The following ZFHX3 variants were observed in gnomAD, a reference collection of about 807,000 sequenced individuals.
ZFHX3 encodes the protein zinc finger homeobox 3.
In ZFHX3, 42 loss-of-function variants were observed where a neutral mutation model predicts 279.1. The ratio of observed to expected loss-of-function variants is 0.15; its 90% CI spans 0.12 to 0.19. ZFHX3 has a LOEUF of 0.19. ZFHX3 is among the 10% of genes least tolerant of loss of function. The probability of loss-of-function intolerance (pLI) is 1.00; values close to 1 mark genes in which losing one functional copy is unlikely to be tolerated. For synonymous variants in ZFHX3, 2,293 were observed against 1,957.8 expected, an observed-to-expected ratio of 1.17 and a Z score of -4.52; for missense variants, 4,981 against 4,754.0, an observed-to-expected ratio of 1.05 and a Z score of -1.40.
chr16:73,178,419 G>A (rs932135760), intron 5 of ZFHX3, among the ~76,000 whole-genome samples: 2 of 152,098 alleles, frequency 1.3e-5, no homozygotes, highest in Non-Finnish European at 2.9e-5. Context: ...GATCGCAGGC[G>A]TGAGCCACCG....
At chr16:73,423,627 C>T (rs574449970) in intron 3 of ZFHX3, among the ~76,000 whole-genome samples, 176 of 152,232 alleles carry the variant, frequency 1.2e-3, no homozygotes, top group South Asian at 5.0e-3. Flanking sequence ...TTTGGGAGGC[C>T]GAGGCAGGTA....
chr16:73,586,067 T>C (rs145074504), intron 2 of ZFHX3, among the ~76,000 whole-genome samples: 133 of 152,060 alleles, frequency 8.7e-4, no homozygotes, highest in African/African-American at 3.0e-3. Context: ...GGACTACAAC[T>C]ATATATTGTT....
chr16:73,214,849 T>TTC (rs2012146988), intron 5 of ZFHX3, among the ~76,000 whole-genome samples: 3 of 141,602 alleles, frequency 2.1e-5, no homozygotes. Flanking sequence ...AGGCCTTTTT[T>TTC]TTTTTTTTTT....
chr16:73,184,341 G>A (rs1357354471), intron 5 of ZFHX3, among the ~76,000 whole-genome samples: 1 of 152,204 alleles, frequency 6.6e-6, no homozygotes, highest in African/African-American at 2.4e-5. Context: ...ATCCAAGCGA[G>A]GGTTTCATGG....
chr16:73,795,778 T>G (rs1959971489), intron 1 of ZFHX3, among the ~76,000 whole-genome samples: 1 of 152,174 alleles, frequency 6.6e-6, no homozygotes. Flanking sequence ...TGTTTAAAAG[T>G]GTGAGTTAAG....
At chr16:73,023,997 G>A (rs1048278309) in intron 1 of ZFHX3, among the ~76,000 whole-genome samples, 2 of 152,126 alleles carry the variant, frequency 1.3e-5, no homozygotes, top group African/African-American at 4.8e-5. Context: ...AGGACGTCCT[G>A]GAAACAAGGC....
chr16:73,693,341 A>T lies in ZFHX3; in HGVS notation c.-1607-13101T>A, dbSNP rs1384719704. ...TTTATTGTGATGTTTGCATTTTTAA[A>T]CAATGCGCCTGACCTATTTGAGGGT... On this transcript the variant is annotated intron_variant, in intron 1 of 17. Transcript: ENST00000641206. Among the ~76,000 whole-genome samples the T allele has an allele frequency of 3.3e-5, 5 of 152,290 alleles. No homozygotes were observed. In the South Asian group the frequency reaches 1.0e-3, roughly 32 times the overall value.
At chr16:73,269,771 C>T (rs1211753138) in intron 4 of ZFHX3, among the ~76,000 whole-genome samples, 9 of 150,758 alleles carry the variant, frequency 6.0e-5, no homozygotes, top group African/African-American at 1.2e-4. Flanking sequence ...TTTTTTGAGA[C>T]GGAGTCTCAC....
At chr16:72,874,103 T>G (rs985175173) in intron 4 of ZFHX3, among the ~76,000 whole-genome samples, 1 of 151,914 alleles carries the variant, frequency 6.6e-6, no homozygotes, top group Non-Finnish European at 1.5e-5. Context: ...GGGCGGGGCT[T>G]TGGAGGAAAC....
At chr16:73,428,969 G>A (rs138210039) in intron 3 of ZFHX3, among the ~76,000 whole-genome samples, 62 of 152,220 alleles carry the variant, frequency 4.1e-4, no homozygotes, top group African/African-American at 1.4e-3. Context: ...TCCTTCACGA[G>A]GCCACCAAAG....
At chr16:73,178,427 C>T (rs935544310) in intron 5 of ZFHX3, among the ~76,000 whole-genome samples, 18 of 152,184 alleles carry the variant, frequency 1.2e-4, no homozygotes, top group African/African-American at 4.3e-4. Flanking sequence ...GCGTGAGCCA[C>T]CGCGCCTGAC....
chr16:73,781,109 CT>C (rs1361470378), intron 1 of ZFHX3, among the ~76,000 whole-genome samples: 3 of 152,160 alleles, frequency 2.0e-5, no homozygotes, highest in Non-Finnish European at 1.5e-5. Context: ...AATTTGGGAG[CT>C]CTCAAGGAAG....
intron 2 of ZFHX3, among the ~76,000 whole-genome samples, chr16:73,527,145 C>T (rs948389168): frequency 2.0e-5 from 3 of 152,016 alleles, no homozygotes; most frequent in African/African-American, 7.2e-5. Context: ...CCTGGCTGCT[C>T]GTTGTGGATG....
chr16:73,067,513 G>A (rs972308460), intron 8 of ZFHX3, among the ~76,000 whole-genome samples: 2 of 152,150 alleles, frequency 1.3e-5, no homozygotes, highest in Admixed American at 1.3e-4. Context: ...CTCCTTCCTG[G>A]TCTCCCCCAT....
chr16:73,049,532 G>T (rs117165794), upstream of ZFHX3, among the ~76,000 whole-genome samples: 3,355 of 152,326 alleles, frequency 0.022, 47 homozygotes, highest in Non-Finnish European at 0.034. Flanking sequence ...TATCTAACCT[G>T]TTGGGTACAG....
At chr16:73,173,011 T>G (rs1967575554) in intron 5 of ZFHX3, among the ~76,000 whole-genome samples, 1 of 113,306 alleles carries the variant, frequency 8.8e-6, no homozygotes, top group African/African-American at 3.2e-5. Flanking sequence ...TTTTTTTGTT[T>G]TTTTTTTTTT....
intron 4 of ZFHX3, among the ~76,000 whole-genome samples, chr16:72,836,643 A>G (rs2037199466): frequency 6.6e-6 from 1 of 152,094 alleles, no homozygotes; most frequent in African/African-American, 2.4e-5. Flanking sequence ...TCTGTGGATA[A>G]TCATCTAAAT....
intron 2 of ZFHX3, among the ~76,000 whole-genome samples, chr16:73,522,269 G>C (rs1398197811): frequency 1.3e-5 from 2 of 152,132 alleles, no homozygotes; most frequent in Non-Finnish European, 2.9e-5. Flanking sequence ...AAAAAGCAAA[G>C]ACATAAAACA....
At chr16:73,209,955 C>T (rs2011951481) in intron 5 of ZFHX3, among the ~76,000 whole-genome samples, 1 of 152,162 alleles carries the variant, frequency 6.6e-6, no homozygotes, top group Non-Finnish European at 1.5e-5. Context: ...TATACATGTT[C>T]TTCCTTCTCT....
Sources: gnomAD v4.1 joint callset for allele counts (sites outside exome capture counted in the v4.1 genomes callset) on GRCh38, gnomAD v4.1.1 for gene constraint, MANE v1.5 for transcripts, NCBI Gene and HGNC (gene_info 2026-07-23, HGNC 2026-07-21) for gene names.